The following MALRD1 variants were observed in gnomAD, a reference collection of about 807,000 sequenced individuals.
MALRD1 encodes MAM and LDL receptor class A domain containing 1, also known as MAM and LDL-receptor class A domain-containing protein 1.
MALRD1 carries 247 observed loss-of-function variants against 242.1 expected under a neutral mutation model. The observed-to-expected ratio is 1.02, with a 90% confidence interval of 0.92 to 1.13. The LOEUF is 1.13. MALRD1 is among the 50% of genes most tolerant of loss of function. The pLI, the probability that MALRD1 is intolerant of heterozygous loss-of-function variation, is 0.00. For synonymous variants in MALRD1, 995 were observed against 866.6 expected, an observed-to-expected ratio of 1.15 and a Z score of -2.60; for missense variants, 2,989 against 2,533.1, an observed-to-expected ratio of 1.18 and a Z score of -3.86.
At chr10:19,069,817 T>A (rs1835088102) in intron 2 of MALRD1, among the ~76,000 whole-genome samples, 1 of 152,044 alleles carries the variant, frequency 6.6e-6, no homozygotes, top group Non-Finnish European at 1.5e-5. Flanking sequence ...GTCTTTATTT[T>A]TGGATTTCAG....
At chr10:19,399,299 A>G (rs1041043145) in intron 28 of MALRD1, among the ~76,000 whole-genome samples, 1 of 152,204 alleles carries the variant, frequency 6.6e-6, no homozygotes, top group Admixed American at 6.6e-5. Context: ...GACATTTTTC[A>G]TGGTGAAACA....
At chr10:19,524,846 G>A (rs1202518287) in intron 31 of MALRD1, among the ~76,000 whole-genome samples, 1 of 151,368 alleles carries the variant, frequency 6.6e-6, no homozygotes, top group Non-Finnish European at 1.5e-5. Context: ...TTCTTCTTAG[G>A]GCACTGAAGC....
At chr10:19,050,004 A>G (rs983184584) in intron 1 of MALRD1, among the ~76,000 whole-genome samples, 1 of 152,044 alleles carries the variant, frequency 6.6e-6, no homozygotes, top group African/African-American at 2.4e-5. Context: ...TTGAGAGTTC[A>G]TAGTAGCTAT....
chr10:19,537,830 C>G (rs140610493), intron 32 of MALRD1, among the ~76,000 whole-genome samples: 3 of 152,088 alleles, frequency 2.0e-5, no homozygotes, highest in Admixed American at 6.6e-5. Flanking sequence ...AATACCATCA[C>G]CTTCGGGGTT....
At chr10:19,428,590 A>G (rs1833993619) in intron 28 of MALRD1, among the ~76,000 whole-genome samples, 2 of 151,960 alleles carry the variant, frequency 1.3e-5, no homozygotes, top group African/African-American at 4.8e-5. Flanking sequence ...TCCTTCACAT[A>G]TATTATCTCT....
chr10:19,056,382 T>A (rs1834668122), intron 1 of MALRD1, among the ~76,000 whole-genome samples: 1 of 152,106 alleles, frequency 6.6e-6, no homozygotes, highest in African/African-American at 2.4e-5. Context: ...TGTTTTATAG[T>A]TTTCAGTTTG....
chr10:19,281,961 T>G (rs1347591379), intron 20 of MALRD1, among the ~76,000 whole-genome samples: 1 of 64,126 alleles, frequency 1.6e-5, no homozygotes, highest in African/African-American at 5.5e-5. Context: ...AGACGATGTC[T>G]CCAAAAAAAA....
At chr10:19,260,278 CAGACAGATAGAT>C (rs1839689377) in intron 19 of MALRD1, among the ~76,000 whole-genome samples, 1 of 146,934 alleles carries the variant, frequency 6.8e-6, no homozygotes, top group South Asian at 2.2e-4. Flanking sequence ...CATAGACAGA[CAGACAGATAGAT>C]AGACAGACAG....
rs532401912 is a variant in MALRD1 at position 19,203,853 on chromosome 10, C to T, written c.2077C>T (p.Arg693Trp). Residue 693 changes from arginine (R) to tryptophan (W), a missense_variant, in exon 15 of 40, where the codon CGG becomes TGG. Transcript: ENST00000454679. ...SADFEHQAPP[R>W]DHSLNASQGH... ...TGATTTTGAGCACCAGGCTCCACCT[C>T]GGGATCATAGTCTCAACGCATCTCA... 1.8e-5 allele frequency: 28 copies of T among 1,550,468 alleles called. No homozygotes were observed. The African/African-American group carries it at 2.1e-4, about 11-fold the overall frequency.
At chr10:19,109,144 G>A (rs1836583030) in intron 5 of MALRD1, among the ~76,000 whole-genome samples, 1 of 152,152 alleles carries the variant, frequency 6.6e-6, no homozygotes, top group Admixed American at 6.5e-5. Context: ...ATACCTGAAG[G>A]TGTCTCATTG....
chr10:19,517,724 T>C (rs11813353), intron 31 of MALRD1, among the ~76,000 whole-genome samples: 31,743 of 151,964 alleles, frequency 0.21, 5,088 homozygotes, highest in African/African-American at 0.46. Context: ...CACAGTCATA[T>C]CCAGTAATTG....
At chr10:19,318,404 G>T (rs564378544) in intron 21 of MALRD1, among the ~76,000 whole-genome samples, 10 of 151,462 alleles carry the variant, frequency 6.6e-5, no homozygotes, top group African/African-American at 2.4e-4. Flanking sequence ...GGGTATTTCA[G>T]AGATATATAA....
chr10:19,588,918 C>T (rs577263400), intron 33 of MALRD1, among the ~76,000 whole-genome samples: 1 of 152,304 alleles, frequency 6.6e-6, no homozygotes, highest in East Asian at 1.9e-4. Flanking sequence ...GCCAGGATTA[C>T]AGGCATGAGC....
chr10:19,359,463 A>G (rs572708807), intron 26 of MALRD1, among the ~76,000 whole-genome samples: 1 of 152,198 alleles, frequency 6.6e-6, no homozygotes, highest in African/African-American at 2.4e-5. Flanking sequence ...TGGAGTAGCA[A>G]GGGAGGCTGT....
chr10:19,647,416 A>G (rs983691105), intron 36 of MALRD1, among the ~76,000 whole-genome samples: 11 of 152,172 alleles, frequency 7.2e-5, no homozygotes, highest in African/African-American at 2.7e-4. Flanking sequence ...AGTACATAGC[A>G]AGTAGGCCTT....
intron 32 of MALRD1, among the ~76,000 whole-genome samples, chr10:19,564,159 C>T (rs1432033391): frequency 6.6e-6 from 1 of 152,136 alleles, no homozygotes; most frequent in Non-Finnish European, 1.5e-5. Context: ...TGGCTTAATA[C>T]ACCATCTATT....
At chr10:19,071,042 A>T (rs1835131777) in intron 2 of MALRD1, among the ~76,000 whole-genome samples, 1 of 151,274 alleles carries the variant, frequency 6.6e-6, no homozygotes, top group African/African-American at 2.4e-5. Flanking sequence ...AGTAGAGATG[A>T]GGTTCTCCAT....
chr10:19,252,386 G>T (rs982544809), intron 18 of MALRD1, among the ~76,000 whole-genome samples: 2 of 151,982 alleles, frequency 1.3e-5, no homozygotes, highest in African/African-American at 4.8e-5. Context: ...ATTTCTTCCT[G>T]TTAACTGTGG....
intron 19 of MALRD1, among the ~76,000 whole-genome samples, chr10:19,266,055 G>A (rs2484089): frequency 1.3e-5 from 2 of 151,494 alleles, no homozygotes; most frequent in Admixed American, 1.3e-4. Flanking sequence ...GTTTGCATTT[G>A]CATGGAATGT....
Sources: gnomAD v4.1 joint callset for allele counts (sites outside exome capture counted in the v4.1 genomes callset) on GRCh38, gnomAD v4.1.1 for gene constraint, MANE v1.5 for transcripts, NCBI Gene and HGNC (gene_info 2026-07-23, HGNC 2026-07-21) for gene names.